The following HTR1E variants were observed in gnomAD, a reference collection of about 807,000 sequenced individuals.
HTR1E encodes the protein 5-HT-1E.
A neutral mutation model predicts 3.4 loss-of-function variants in HTR1E; 3 were observed. That is an observed-to-expected ratio of 0.89 (90% confidence interval 0.41 to 2.31). The LOEUF is 2.31. HTR1E is among the 30% of genes most tolerant of loss of function. HTR1E has a pLI of 0.05. For synonymous variants in HTR1E, 170 were observed against 182.8 expected (o/e 0.93, Z 0.56); for missense variants, 392 against 467.0 (o/e 0.84, Z 1.48).
intron 1 of HTR1E, among the ~76,000 whole-genome samples, chr6:86,972,960 C>T (rs911780050): frequency 3.9e-5 from 6 of 152,174 alleles, no homozygotes; most frequent in African/African-American, 1.4e-4. Flanking sequence ...GCCCTCTTTA[C>T]AAGATGGTTT....
At position 86,987,773 on chromosome 6, in the gene HTR1E, A is replaced by T. The variant is rs560493826; in HGVS notation, c.-185-27377A>T. ...GGTTTGGTTGTCTGGTGAGAGCTAC[A>T]TCCTCCACAGGGTAAGAATACAGTG... is the stretch of plus-strand genomic sequence containing the variant. On this transcript the variant is annotated intron_variant, in intron 1 of 1. Transcript: ENST00000305344. Among the ~76,000 whole-genome samples the T allele has an allele frequency of 1.8e-4, 27 of 152,284 alleles. No individual in the cohort carries two copies. The South Asian group carries it at 4.8e-3, about 27-fold the overall frequency.
chr6:86,948,288 C>G (rs1424974216), intron 1 of HTR1E, among the ~76,000 whole-genome samples: 1 of 152,084 alleles, frequency 6.6e-6, no homozygotes, highest in Non-Finnish European at 1.5e-5. Flanking sequence ...AACATCATTT[C>G]TAATAAGTAT....
At chr6:86,946,209 C>G (rs572256998) in intron 1 of HTR1E, among the ~76,000 whole-genome samples, 3 of 152,332 alleles carry the variant, frequency 2.0e-5, no homozygotes, top group South Asian at 4.1e-4. Flanking sequence ...TCAACACTGA[C>G]TCACTGACTC....
At chr6:86,966,545 T>C (rs1767474038) in intron 1 of HTR1E, among the ~76,000 whole-genome samples, 1 of 152,200 alleles carries the variant, frequency 6.6e-6, no homozygotes, top group Admixed American at 6.5e-5. Context: ...CATTATCTTC[T>C]TACAATATGA....
intron 1 of HTR1E, among the ~76,000 whole-genome samples, chr6:86,994,226 T>G (rs1028422080): frequency 3.9e-5 from 6 of 152,072 alleles, no homozygotes; most frequent in Non-Finnish European, 8.8e-5. Context: ...TTTTTTAAAA[T>G]AATGGCTAAA....
At chr6:86,990,893 T>C (rs1434568703) in intron 1 of HTR1E, among the ~76,000 whole-genome samples, 1 of 152,050 alleles carries the variant, frequency 6.6e-6, no homozygotes, top group African/African-American at 2.4e-5. Flanking sequence ...TCTTAAAAAA[T>C]AGAGCAGGGA....
intron 1 of HTR1E, among the ~76,000 whole-genome samples, chr6:86,986,736 T>G (rs1767794033): frequency 6.6e-6 from 1 of 152,222 alleles, no homozygotes; most frequent in African/African-American, 2.4e-5. Flanking sequence ...GAGATATTAG[T>G]ACCCTATCAA....
chr6:86,991,556 T>C (rs1025392297), intron 1 of HTR1E, among the ~76,000 whole-genome samples: 1 of 152,166 alleles, frequency 6.6e-6, no homozygotes, highest in African/African-American at 2.4e-5. Flanking sequence ...GTGAATGCAT[T>C]GCCAAATCCA....
chr6:87,006,899 A>G (rs924796211), intron 1 of HTR1E, among the ~76,000 whole-genome samples: 2 of 152,162 alleles, frequency 1.3e-5, no homozygotes, highest in Non-Finnish European at 2.9e-5. Context: ...AGGGAGAGTA[A>G]CAACACACAC....
At chr6:86,966,047 A>G (rs76545383) in intron 1 of HTR1E, among the ~76,000 whole-genome samples, 8,060 of 152,188 alleles carry the variant, frequency 0.053, 267 homozygotes, top group East Asian at 0.12. Flanking sequence ...AAAAAAAAAT[A>G]GATGGTCTTC....
At chr6:86,952,467 C>G (rs755073213) in intron 1 of HTR1E, among the ~76,000 whole-genome samples, 2 of 151,230 alleles carry the variant, frequency 1.3e-5, no homozygotes, top group Non-Finnish European at 2.9e-5. Context: ...GTTGTCTTTT[C>G]TTCCTTTTGG....
intron 1 of HTR1E, among the ~76,000 whole-genome samples, chr6:86,946,708 T>G (rs890998141): frequency 6.6e-6 from 1 of 152,216 alleles, no homozygotes; most frequent in Non-Finnish European, 1.5e-5. Context: ...CAAATCCAGC[T>G]ACCCCAAGTT....
intron 1 of HTR1E, among the ~76,000 whole-genome samples, chr6:86,944,447 G>T (rs962235076): frequency 6.6e-6 from 1 of 152,176 alleles, no homozygotes; most frequent in African/African-American, 2.4e-5. Context: ...ACTGAAATTA[G>T]ATAATCTGTC....
chr6:87,007,189 G>C (rs1768124548), intron 1 of HTR1E, among the ~76,000 whole-genome samples: 1 of 152,172 alleles, frequency 6.6e-6, no homozygotes, highest in Non-Finnish European at 1.5e-5. Flanking sequence ...AATGGAACTG[G>C]AGATCATTAT....
chr6:87,010,183 G>A (rs1211251730), intron 1 of HTR1E, among the ~76,000 whole-genome samples: 3 of 111,756 alleles, frequency 2.7e-5, no homozygotes, highest in African/African-American at 3.9e-5. Context: ...GGCCGGGCGG[G>A]GGGCCGACCC....
chr6:86,937,873 C>T (rs1406946), intron 1 of HTR1E, 50 bp downstream of exon 1: 54,741 of 152,710 alleles, frequency 0.36, 11,555 homozygotes, highest in Non-Finnish European at 0.46. Context: ...TTCTTACCCC[C>T]ACCCACTCCA....
intron 1 of HTR1E, among the ~76,000 whole-genome samples, chr6:86,985,642 T>C (rs1767774642): frequency 1.3e-5 from 2 of 152,148 alleles, no homozygotes; most frequent in South Asian, 4.1e-4. Context: ...GGACAACCAC[T>C]ATGGCTGTGA....
At chr6:87,014,746 T>C (rs1262837247) in intron 1 of HTR1E, among the ~76,000 whole-genome samples, 1 of 150,964 alleles carries the variant, frequency 6.6e-6, no homozygotes, top group Non-Finnish European at 1.5e-5. Context: ...CGAGTGGGAG[T>C]TGAACAATGA....
intron 1 of HTR1E, among the ~76,000 whole-genome samples, chr6:86,962,733 G>A (rs956279668): frequency 2.0e-5 from 3 of 152,134 alleles, no homozygotes; most frequent in East Asian, 1.9e-4. Flanking sequence ...AGCTTCTCAG[G>A]AGGCTGAGGT....
Sources: allele counts gnomAD v4.1 joint callset (sites outside exome capture counted in the v4.1 genomes callset), GRCh38; gene constraint gnomAD v4.1.1; transcripts MANE v1.5; gene names NCBI Gene and HGNC (gene_info 2026-07-23, HGNC 2026-07-21).